ZFHX3: variants seen among roughly 807,000 people sequenced by gnomAD.
The protein encoded by ZFHX3 is zinc finger homeobox 3, also known as zinc finger homeobox protein 3.
Under a neutral mutation model 279.1 loss-of-function variants are expected in ZFHX3, and 42 were observed. The ratio of observed to expected loss-of-function variants is 0.15; its 90% CI spans 0.12 to 0.19. The LOEUF (loss-of-function observed/expected upper bound fraction) is 0.19, where lower values mean the gene tolerates loss of function less well. Among genes scored for constraint, ZFHX3 ranks in the 10% least tolerant of loss-of-function variants. The probability of loss-of-function intolerance (pLI) is 1.00; values close to 1 mark genes in which losing one functional copy is unlikely to be tolerated. For missense variants in ZFHX3, 4,981 were observed against 4,754.0 expected, an observed-to-expected ratio of 1.05 and a Z score of -1.40; for synonymous variants, 2,293 against 1,957.8, an observed-to-expected ratio of 1.17 and a Z score of -4.52.
At chr16:72,890,956 C>A (rs1427904422) in intron 3 of ZFHX3, among the ~76,000 whole-genome samples, 1 of 152,206 alleles carries the variant, frequency 6.6e-6, no homozygotes, top group Non-Finnish European at 1.5e-5. Flanking sequence ...CCAACCCCTG[C>A]TTCAGGTAAT....
intron 3 of ZFHX3, among the ~76,000 whole-genome samples, chr16:73,356,209 C>T (rs972935040): frequency 2.6e-5 from 4 of 152,304 alleles, no homozygotes; most frequent in East Asian, 1.9e-4. Flanking sequence ...TAAGCTACTT[C>T]GGTCTCCAGA....
chr16:72,881,698 G>C (rs534258603), intron 4 of ZFHX3, among the ~76,000 whole-genome samples: 4 of 152,298 alleles, frequency 2.6e-5, no homozygotes, highest in South Asian at 2.1e-4. Flanking sequence ...ATCCATATGG[G>C]AGGGGTCTGC....
intron 5 of ZFHX3, among the ~76,000 whole-genome samples, chr16:73,208,312 T>C (rs62052449): frequency 0.2 from 31,151 of 152,138 alleles, 3,499 homozygotes; most frequent in Middle Eastern, 0.41. Context: ...ACTGACACAA[T>C]ACATGTTTCT....
intron 7 of ZFHX3, among the ~76,000 whole-genome samples, chr16:73,109,222 A>G (rs965894680): frequency 3.3e-5 from 5 of 152,258 alleles, no homozygotes; most frequent in Non-Finnish European, 7.3e-5. Context: ...ATGTGAACGC[A>G]TGCGTGTGCA....
intron 3 of ZFHX3, among the ~76,000 whole-genome samples, chr16:72,901,599 G>A (rs575858796): frequency 3.9e-5 from 6 of 152,250 alleles, no homozygotes; most frequent in African/African-American, 9.6e-5. Context: ...TTCTGGCGTC[G>A]ATCACTCTGG....
chr16:73,603,695 A>G (rs2052147418), intron 2 of ZFHX3, among the ~76,000 whole-genome samples: 1 of 152,014 alleles, frequency 6.6e-6, no homozygotes, highest in Non-Finnish European at 1.5e-5. Flanking sequence ...GAAAGAATAC[A>G]TTAATTATTA....
chr16:73,820,528 T>A (rs1047562653), intron 1 of ZFHX3, among the ~76,000 whole-genome samples: 1 of 152,070 alleles, frequency 6.6e-6, no homozygotes, highest in Non-Finnish European at 1.5e-5. Context: ...CAACTGCACA[T>A]TGAGTTTGCA....
chr16:73,169,089 G>C (rs1034293890), intron 5 of ZFHX3, among the ~76,000 whole-genome samples: 1 of 152,202 alleles, frequency 6.6e-6, no homozygotes, highest in Non-Finnish European at 1.5e-5. Context: ...GAGGATATTT[G>C]TGAGGGTACC....
chr16:73,885,671 C>T (rs183827728), intron 1 of ZFHX3, among the ~76,000 whole-genome samples: 4 of 152,142 alleles, frequency 2.6e-5, no homozygotes, highest in Admixed American at 1.3e-4. Flanking sequence ...AAAAGCATTC[C>T]GTAAAGTAGA....
intron 2 of ZFHX3, among the ~76,000 whole-genome samples, chr16:73,477,310 T>A (rs1420368027): frequency 6.6e-5 from 10 of 152,230 alleles, no homozygotes; most frequent in Admixed American, 6.5e-4. Context: ...TTGTGCAAGT[T>A]ACATGTACAT....
In ZFHX3 at chr16:72,787,039, C is replaced by CTTTTTTTTTTT. The variant is rs76239888; in HGVS notation, c.*114_*124dup. The CTTTTTTTTTTT allele has an allele frequency of 6.6e-5, 45 of 684,958 alleles. No individual in the cohort carries two copies. Among genetic ancestry groups the CTTTTTTTTTTT allele is most frequent in the African/African-American group, 5.6e-4 (22 of 39,582 alleles). 42.4% of individuals were successfully genotyped at this position (684,958 alleles called of 1,614,324 possible). A position where few individuals can be genotyped will look rare whatever the true frequency, so the allele number is the denominator to read the frequency against. Reference sequence around the variant, plus strand: ...ACAACCCACGCTTTTTCTTTTTTTTCTTTTTTTTTTTTTTTTTGTTTTTTG... The same window carrying CTTTTTTTTTTT: ...ACAACCCACGCTTTTTCTTTTTTTTCTTTTTTTTTTTTTTTTTTTTTTTTTTTTGTTTTTTG... On this transcript the variant is annotated 3_prime_UTR_variant, in exon 10 of 10. Transcript: ENST00000268489.
At chr16:72,852,088 G>T (rs1219943974) in intron 4 of ZFHX3, among the ~76,000 whole-genome samples, 1 of 152,148 alleles carries the variant, frequency 6.6e-6, no homozygotes, top group African/African-American at 2.4e-5. Flanking sequence ...GGATTATACA[G>T]AAATTGTCTA....
intron 4 of ZFHX3, among the ~76,000 whole-genome samples, chr16:72,856,625 T>A (rs750137702): frequency 6.6e-6 from 1 of 152,076 alleles, no homozygotes; most frequent in Non-Finnish European, 1.5e-5. Flanking sequence ...CTTAGATTCC[T>A]AGGGGAGACT....
intron 2 of ZFHX3, among the ~76,000 whole-genome samples, chr16:73,622,478 T>A (rs2052372810): frequency 6.6e-6 from 1 of 151,900 alleles, no homozygotes; most frequent in African/African-American, 2.4e-5. Context: ...GGGAGAATGG[T>A]GTGAACCGGG....
chr16:72,904,339 G>C (rs1318746289), intron 3 of ZFHX3, among the ~76,000 whole-genome samples: 3 of 151,450 alleles, frequency 2.0e-5, no homozygotes, highest in Non-Finnish European at 4.4e-5. Flanking sequence ...CTGCACTCCA[G>C]CCTGGCAACA....
At position 73,121,335 on chromosome 16, in the gene ZFHX3, G is replaced by A. The variant is rs115512275; in HGVS notation, c.-897+9633C>T. Among the ~76,000 whole-genome samples, 1,185 of 152,144 alleles carry A rather than the reference G, an allele frequency of 7.8e-3. 8 individuals carry two copies. Among genetic ancestry groups the A allele is most frequent in the African/African-American group, 0.028 (1,146 of 41,512 alleles). On this transcript the variant is annotated intron_variant, in intron 7 of 17. Transcript: ENST00000641206. ...TTTTACATTGATTGCATAGTGAAAT[G>A]GTAATATTTTGGACATATTGGGTTG... is the stretch of plus-strand genomic sequence containing the variant.
At chr16:73,866,265 C>T (rs1217003083) in intron 1 of ZFHX3, among the ~76,000 whole-genome samples, 4 of 147,032 alleles carry the variant, frequency 2.7e-5, no homozygotes, top group South Asian at 4.3e-4. Flanking sequence ...TTGCAACCTC[C>T]GTCTCCCAGG....
chr16:73,276,641 G>T (rs531182797), intron 4 of ZFHX3, among the ~76,000 whole-genome samples: 204 of 152,162 alleles, frequency 1.3e-3, no homozygotes, highest in Non-Finnish European at 2.2e-3. Context: ...TGTACAAAAC[G>T]ATGTTTTCCT....
In ZFHX3 at chr16:72,794,134, C is replaced by T. The variant is rs774848265; in HGVS notation, c.8548G>A (p.Glu2850Lys). The change falls in exon 9 of 10, where the codon GAG becomes AAG. Residue 2850 changes from glutamate to lysine, a missense_variant. Transcript: ENST00000268489. This position sits in a 1 kb window ranked among gnomAD's most constrained non-coding sequence, Gnocchi z 4.2. Reference sequence around the variant, plus strand: ...GCACTGTCGTTATCTGCGTTGCCCTCGTCTCCAGTTGTGGTATCTGTGATT... The same window carrying T: ...GCACTGTCGTTATCTGCGTTGCCCTTGTCTCCAGTTGTGGTATCTGTGATT... The part of the protein sequence containing the change: ...TAITDTTTGD[E>K]GNADNDSATG... The T allele has an allele frequency of 1.2e-6, 2 of 1,614,206 alleles. No individual in the cohort carries two copies. Among genetic ancestry groups the T allele is most frequent in the Non-Finnish European group, 1.7e-6 (2 of 1,180,044 alleles).
Sources: gnomAD v4.1 joint callset for allele counts (sites outside exome capture counted in the v4.1 genomes callset) on GRCh38, gnomAD v4.1.1 for gene constraint, Gnocchi (gnomAD v3.1) non-coding constraint, MANE v1.5 for transcripts, NCBI Gene and HGNC (gene_info 2026-07-23, HGNC 2026-07-21) for gene names.